The following UHRF2 variants were observed in gnomAD, a reference collection of about 807,000 sequenced individuals.
UHRF2 encodes E3 ubiquitin-protein ligase UHRF2.
In UHRF2, 23 loss-of-function variants were observed where a neutral mutation model predicts 96.8. The observed-to-expected ratio is 0.24, with a 90% CI of 0.17 to 0.34. The LOEUF (loss-of-function observed/expected upper bound fraction) is 0.34. Among genes scored for constraint, UHRF2 ranks in the 10% least tolerant of loss-of-function variants. The pLI, the probability that UHRF2 is intolerant of heterozygous loss-of-function variation, is 1.00. For missense variants in UHRF2, 685 were observed against 981.5 expected, an observed-to-expected ratio of 0.70 and a Z score of 4.04; for synonymous variants, 385 against 332.6, an observed-to-expected ratio of 1.16 and a Z score of -1.72.
At chr9:6,489,089 C>T (rs559716434) in intron 9 of UHRF2, among the ~76,000 whole-genome samples, 13 of 152,298 alleles carry the variant, frequency 8.5e-5, no homozygotes, top group African/African-American at 2.6e-4. Flanking sequence ...GGATTACAGG[C>T]GTGAGCCACT....
chr9:6,414,254 C>G (rs1002878017), intron 1 of UHRF2: 10 of 152,362 alleles, frequency 6.6e-5, no homozygotes, highest in African/African-American at 2.4e-4. Context: ...TTTGGAATGT[C>G]TCGAGGGAGG....
chr9:6,438,988 A>G (rs892494599), intron 3 of UHRF2, among the ~76,000 whole-genome samples: 2 of 152,224 alleles, frequency 1.3e-5, no homozygotes, highest in African/African-American at 2.4e-5. Context: ...ATAGTAGAAG[A>G]TGTAATTCTA....
chr9:6,501,860 G>A (rs1816311000), intron 14 of UHRF2, among the ~76,000 whole-genome samples: 1 of 152,218 alleles, frequency 6.6e-6, no homozygotes, highest in Admixed American at 6.5e-5. Flanking sequence ...GCTTGTTAGT[G>A]ATAACTGAGG....
intron 3 of UHRF2, among the ~76,000 whole-genome samples, chr9:6,442,666 TG>T (rs1170861352): frequency 6.6e-5 from 7 of 105,312 alleles, no homozygotes; most frequent in East Asian, 2.8e-4. Context: ...TTTTTTTTTT[TG>T]GGGGGGTAGA....
rs532884195 is a variant in UHRF2 at position 6,426,965 on chromosome 9, T to C, written c.384+5823T>C. Among the ~76,000 whole-genome samples, 29 of 96,138 alleles carry C rather than the reference T, an allele frequency of 3.0e-4. 1 individual carries two copies. In the East Asian group the frequency reaches 8.6e-3, roughly 29 times the overall value. 63.1% of individuals were successfully genotyped at this position (96,138 alleles called of 152,430 possible). ...GATTTCACCATGTTGGCTAGGCTGG[T>C]CTTGAACTCCTGACCTCAGGTGATC... On this transcript the variant is annotated intron_variant, in intron 2 of 15. Transcript: ENST00000276893.
intron 3 of UHRF2, among the ~76,000 whole-genome samples, chr9:6,457,172 T>A (rs558370804): frequency 5.7e-4 from 86 of 152,116 alleles, no homozygotes; most frequent in African/African-American, 2.0e-3. Flanking sequence ...TTGTGTCCTC[T>A]TTTTTTTCGT....
At chr9:6,496,310 T>C (rs139547211) in intron 10 of UHRF2, 120 of 152,328 alleles carry the variant, frequency 7.9e-4, no homozygotes, top group Middle Eastern at 3.4e-3. Context: ...GACGTAGGTG[T>C]CCTAGAGGAA....
At chr9:6,469,458 C>T (rs922205609) in intron 4 of UHRF2, among the ~76,000 whole-genome samples, 2 of 151,796 alleles carry the variant, frequency 1.3e-5, no homozygotes, top group Non-Finnish European at 2.9e-5. Flanking sequence ...ACAGAGGTTG[C>T]AGTGAGCCAA....
intron 8 of UHRF2, 128 bp downstream of exon 8, chr9:6,482,227 A>G: frequency 1.3e-6 from 1 of 780,762 alleles, no homozygotes; most frequent in Non-Finnish European, 2.1e-6. Flanking sequence ...TATATTTTTT[A>G]GGATGGGTGT....
At chr9:6,455,618 T>C (rs1822131536) in intron 3 of UHRF2, among the ~76,000 whole-genome samples, 2 of 152,216 alleles carry the variant, frequency 1.3e-5, no homozygotes. Context: ...GCAGCAGGTC[T>C]TAATTTTATA....
At chr9:6,483,701 T>A (rs893784002) in intron 8 of UHRF2, among the ~76,000 whole-genome samples, 4 of 152,232 alleles carry the variant, frequency 2.6e-5, no homozygotes, top group African/African-American at 7.2e-5. Flanking sequence ...TTTGTTTGTT[T>A]GTTTGGAGAC....
intron 13 of UHRF2, 44 bp from the exon 14 acceptor site, chr9:6,500,508 G>T (rs757234325): frequency 8.9e-6 from 14 of 1,570,218 alleles, no homozygotes; most frequent in Non-Finnish European, 1.2e-5. Flanking sequence ...GTTCTGCTTA[G>T]AACCACTTGT....
Position 6,482,090 on chromosome 9 carries a change from T to C in UHRF2, c.1383T>C (p.Phe461=), listed in dbSNP as rs1823961228. The change falls in exon 8 of 16, where the codon TTT becomes TTC. Residue 461 remains phenylalanine, a synonymous_variant. Transcript: ENST00000276893. ...PGIPVGSTWR[F]RVQVSEAGVH... ...TTCCTGTTGGATCAACTTGGAGATT[T>C]AGAGTTCAGGTATGTTTTAACTTGG... 6.2e-7 allele frequency: 1 copy of C among 1,613,944 alleles called. No individual in the cohort carries two copies.
chr9:6,493,288 ACT>A (rs1410794611), intron 9 of UHRF2, among the ~76,000 whole-genome samples: 4 of 151,036 alleles, frequency 2.6e-5, no homozygotes, highest in African/African-American at 4.9e-5. Context: ...ACAGAGCAAG[ACT>A]CTGTTTAAAA....
intron 3 of UHRF2, among the ~76,000 whole-genome samples, chr9:6,441,090 A>T (rs1821135692): frequency 6.6e-6 from 1 of 152,212 alleles, no homozygotes. Context: ...TTAGAAATGC[A>T]AATTCTTGGC....
At chr9:6,420,446 T>TA (rs1819863240) in intron 1 of UHRF2, among the ~76,000 whole-genome samples, 1 of 149,582 alleles carries the variant, frequency 6.7e-6, no homozygotes, top group African/African-American at 2.5e-5. Flanking sequence ...GCTCACGCTG[T>TA]AATCCCAGCA....
chr9:6,456,406 A>G (rs1203183573), intron 3 of UHRF2, among the ~76,000 whole-genome samples: 3 of 151,582 alleles, frequency 2.0e-5, no homozygotes, highest in Admixed American at 1.3e-4. Context: ...TTGTGAATTT[A>G]AGTTCTTTGT....
intron 9 of UHRF2, among the ~76,000 whole-genome samples, chr9:6,491,459 G>C (rs985721089): frequency 6.6e-6 from 1 of 152,194 alleles, no homozygotes; most frequent in African/African-American, 2.4e-5. Flanking sequence ...GGATGTAAAG[G>C]GTGTTATGAG....
At chr9:6,459,610 A>G (rs1334347362) in intron 3 of UHRF2, among the ~76,000 whole-genome samples, 3 of 152,210 alleles carry the variant, frequency 2.0e-5, no homozygotes, top group Admixed American at 1.3e-4. Flanking sequence ...TGGAAGTGGC[A>G]GTGAGCTGAG....
Sources: allele counts gnomAD v4.1 joint callset (sites outside exome capture counted in the v4.1 genomes callset), GRCh38; gene constraint gnomAD v4.1.1; transcripts MANE v1.5; gene names NCBI Gene and HGNC (gene_info 2026-07-23, HGNC 2026-07-21).